The following SORCS2 variants were observed in gnomAD, a reference collection of about 807,000 sequenced individuals.
SORCS2 encodes the protein VPS10 domain-containing receptor SorCS2.
In SORCS2, 100 loss-of-function variants were observed where a neutral mutation model predicts 141.6. The observed-to-expected ratio is 0.71, with a 90% CI of 0.60 to 0.83. SORCS2 has a LOEUF of 0.83. SORCS2 is among the 40% of genes least tolerant of loss of function. The pLI is 0.00. For synonymous variants in SORCS2, 789 were observed against 676.9 expected (o/e 1.17, Z -2.57); for missense variants, 1,646 against 1,560.2 (o/e 1.05, Z -0.93).
chr4:7,324,429 C>T (rs1335115691), intron 1 of SORCS2, among the ~76,000 whole-genome samples: 3 of 152,188 alleles, frequency 2.0e-5, no homozygotes, highest in Admixed American at 6.5e-5. Context: ...GGCAACAGGC[C>T]GGGGAAGGGA....
At chr4:7,310,708 TCC>T (rs1718129699) in intron 1 of SORCS2, among the ~76,000 whole-genome samples, 1 of 152,198 alleles carries the variant, frequency 6.6e-6, no homozygotes, top group Non-Finnish European at 1.5e-5. Context: ...TGCAGAGTCT[TCC>T]ACGGTTCTGA....
At chr4:7,264,934 G>A (rs544824297) in intron 1 of SORCS2, among the ~76,000 whole-genome samples, 205 of 152,310 alleles carry the variant, frequency 1.3e-3, no homozygotes, top group African/African-American at 3.9e-3. Flanking sequence ...TGCGGTGCCC[G>A]CCTCATGCCA....
chr4:7,618,946 A>C (rs1192199098), intron 3 of SORCS2, among the ~76,000 whole-genome samples: 1 of 152,108 alleles, frequency 6.6e-6, no homozygotes, highest in Non-Finnish European at 1.5e-5. Context: ...TGCGGGGGAG[A>C]CTGCTGGCAC....
chr4:7,496,149 G>A (rs1263497346), intron 2 of SORCS2, among the ~76,000 whole-genome samples: 1 of 152,138 alleles, frequency 6.6e-6, no homozygotes, highest in Non-Finnish European at 1.5e-5. Context: ...CTCATGCCTT[G>A]TGAAGTGTGT....
At chr4:7,260,348 T>C (rs2108821265) in intron 1 of SORCS2, among the ~76,000 whole-genome samples, 1 of 152,184 alleles carries the variant, frequency 6.6e-6, no homozygotes, top group Non-Finnish European at 1.5e-5. Context: ...ACTCTCTGCC[T>C]GGGCTCCTCT....
chr4:7,495,275 C>A (rs1382805115), intron 2 of SORCS2, among the ~76,000 whole-genome samples: 1 of 152,210 alleles, frequency 6.6e-6, no homozygotes, highest in East Asian at 1.9e-4. Flanking sequence ...GTCCTGGGGA[C>A]CCACGCTGGC....
At chr4:7,697,110 T>G in intron 11 of SORCS2, 88 bp from the exon 12 acceptor site, 1 of 1,157,788 alleles carries the variant, frequency 8.6e-7, no homozygotes, top group Non-Finnish European at 1.2e-6. Context: ...TGGCCACCGT[T>G]GCTTGAGGTT....
At chr4:7,616,314 T>A (rs180847735) in intron 3 of SORCS2, among the ~76,000 whole-genome samples, 28 of 152,148 alleles carry the variant, frequency 1.8e-4, no homozygotes, top group African/African-American at 5.8e-4. Flanking sequence ...CATCCATCCA[T>A]CCATCTGTCA....
At chr4:7,555,124 A>G (rs1307940747) in intron 3 of SORCS2, among the ~76,000 whole-genome samples, 2 of 152,226 alleles carry the variant, frequency 1.3e-5, no homozygotes, top group Non-Finnish European at 2.9e-5. Context: ...CTATGCAGGC[A>G]ACCTCCAAAG....
At chr4:7,249,799 G>GA (rs1486532960) in intron 1 of SORCS2, among the ~76,000 whole-genome samples, 1 of 152,132 alleles carries the variant, frequency 6.6e-6, no homozygotes, top group African/African-American at 2.4e-5. Context: ...TAGACGACAA[G>GA]AAAAAAGATG....
At chr4:7,717,607 G>T (rs1489732077) in intron 17 of SORCS2, among the ~76,000 whole-genome samples, 1 of 152,202 alleles carries the variant, frequency 6.6e-6, no homozygotes, top group African/African-American at 2.4e-5. Context: ...CAGTGGCGAG[G>T]TGGAGGCAGG....
intron 1 of SORCS2, among the ~76,000 whole-genome samples, chr4:7,242,761 C>G (rs1285359997): frequency 6.6e-6 from 1 of 152,214 alleles, no homozygotes; most frequent in Non-Finnish European, 1.5e-5. Context: ...GCCATTACTT[C>G]CCCCAGGATT....
Position 7,508,119 on chromosome 4 carries a change from G to C in SORCS2, c.549-23411G>C, listed in dbSNP as rs1451651970. On this transcript the variant is annotated intron_variant, in intron 2 of 26. Coordinates refer to ENST00000507866, the MANE Select transcript of SORCS2 (RefSeq NM_020777.3). Reference sequence around the variant, plus strand: ...CGGCTGGGGTGTTTGGTTTGGTTTAGCCACCTGGGAGTGGGTGGGAGAAGC... The same window carrying C: ...CGGCTGGGGTGTTTGGTTTGGTTTACCCACCTGGGAGTGGGTGGGAGAAGC... Among the ~76,000 whole-genome samples the C allele has an allele frequency of 2.6e-5, 4 of 151,898 alleles. No individual in the cohort carries two copies. The East Asian group carries it at 7.7e-4, about 29-fold the overall frequency.
At chr4:7,659,002 A>T (rs775050497) in intron 5 of SORCS2, among the ~76,000 whole-genome samples, 9 of 152,218 alleles carry the variant, frequency 5.9e-5, no homozygotes, top group Non-Finnish European at 1.0e-4. Context: ...GGCAGTGTCC[A>T]TGAGAGGGAC....
rs16840889 is a variant in SORCS2, at chr4:7,713,924, C to T, written c.1990-316C>T. The stretch of plus-strand genomic sequence containing the variant: ...CCTGTGAGCCCTCGAGGGCGTGGCT[C>T]AGCCCAGCTCCCACACAGCAGCTGA... On this transcript the variant is annotated intron_variant, in intron 15 of 26. Coordinates refer to ENST00000507866, the MANE Select transcript of SORCS2 (RefSeq NM_020777.3). Among the ~76,000 whole-genome samples, 1,016 of 152,330 alleles carry T rather than the reference C, an allele frequency of 6.7e-3. 19 individuals carry two copies. The highest frequency in any genetic ancestry group is 0.023 in the African/African-American group (953 of 41,578).
chr4:7,259,160 G>C (rs749011391), intron 1 of SORCS2, among the ~76,000 whole-genome samples: 28 of 152,256 alleles, frequency 1.8e-4, no homozygotes, highest in Middle Eastern at 3.4e-3. Context: ...TTTGGCTTTT[G>C]TTGCCACCGT....
At chr4:7,720,257 T>C (rs1726500896) in intron 18 of SORCS2, among the ~76,000 whole-genome samples, 1 of 152,056 alleles carries the variant, frequency 6.6e-6, no homozygotes, top group African/African-American at 2.4e-5. Flanking sequence ...CATATAAATA[T>C]GGCCGAGGGA....
chr4:7,601,814 G>GCCGCCTT (rs1717706378), intron 3 of SORCS2, among the ~76,000 whole-genome samples: 1 of 152,106 alleles, frequency 6.6e-6, no homozygotes, highest in Non-Finnish European at 1.5e-5. Context: ...GGAGGACCCT[G>GCCGCCTT]CCGCCTTCCG....
At chr4:7,224,061 G>A (rs1243599364) in intron 1 of SORCS2, among the ~76,000 whole-genome samples, 1 of 152,202 alleles carries the variant, frequency 6.6e-6, no homozygotes, top group Admixed American at 6.5e-5. Context: ...GGGGTCCCAG[G>A]GCTGGTGGGG....
Sources: gnomAD v4.1 joint callset for allele counts (sites outside exome capture counted in the v4.1 genomes callset) on GRCh38, gnomAD v4.1.1 for gene constraint, MANE v1.5 for transcripts, NCBI Gene and HGNC (gene_info 2026-07-23, HGNC 2026-07-21) for gene names.